The following PRR16 variants were observed in gnomAD, a reference collection of about 807,000 sequenced individuals.
The protein encoded by PRR16 is protein Largen.
Under a neutral mutation model 18.2 loss-of-function variants are expected in PRR16, and 6 were observed. The observed-to-expected ratio is 0.33, with a 90% CI of 0.18 to 0.65. The LOEUF is 0.65. PRR16 is among the 30% of genes least tolerant of loss of function. The pLI is 0.74. For missense variants in PRR16, 412 were observed against 376.6 expected (o/e 1.09, Z -0.78); for synonymous variants, 151 against 147.8 (o/e 1.02, Z -0.16).
At chr5:120,717,022 T>C in the PRR16 span, among the ~76,000 whole-genome samples, 2 of 152,188 alleles carry the variant, frequency 1.3e-5, no homozygotes, top group Admixed American at 6.6e-5. Flanking sequence ...ACGTGGCCCA[T>C]ATACTCAGTG....
chr5:120,632,811 G>A (rs1755102666), intron 1 of PRR16, among the ~76,000 whole-genome samples: 1 of 152,098 alleles, frequency 6.6e-6, no homozygotes, highest in Non-Finnish European at 1.5e-5. Flanking sequence ...CATATTTGAA[G>A]GAATAATTGA....
chr5:120,582,224 G>A (rs11241553), intron 1 of PRR16, among the ~76,000 whole-genome samples: 1 of 152,116 alleles, frequency 6.6e-6, no homozygotes, highest in Non-Finnish European at 1.5e-5. Context: ...AATACTGCAT[G>A]TTCTTACTTA....
the PRR16 span, among the ~76,000 whole-genome samples, chr5:120,780,103 A>G: frequency 6.6e-6 from 1 of 152,034 alleles, no homozygotes; most frequent in African/African-American, 2.4e-5. Context: ...CAGAAAGGAA[A>G]ACTGAGTCTC....
rs186973166 is a variant in PRR16 at position 120,586,947 on chromosome 5, C to T, written c.160-99007C>T. Among the ~76,000 whole-genome samples, 378 of 152,248 alleles carry T rather than the reference C, an allele frequency of 2.5e-3. 2 individuals carry two copies. The highest frequency in any genetic ancestry group is 8.7e-3 in the African/African-American group (363 of 41,522). On this transcript the variant is annotated intron_variant, in intron 1 of 1. Transcript: ENST00000407149. ...CAAACAGTTAGCCAAGTTGTGAATTCAATGGAAAGATTCTTGAAGAAAATT... is the reference window on the plus strand; with the variant it reads ...CAAACAGTTAGCCAAGTTGTGAATTTAATGGAAAGATTCTTGAAGAAAATT...
downstream of PRR16, among the ~76,000 whole-genome samples, chr5:120,691,686 A>G (rs1239595792): frequency 6.6e-6 from 1 of 152,150 alleles, no homozygotes; most frequent in Admixed American, 6.5e-5. Context: ...AAGCATTTCT[A>G]TACTTTTGTT....
At chr5:120,474,193 G>T (rs1749361896) in intron 1 of PRR16, among the ~76,000 whole-genome samples, 1 of 152,130 alleles carries the variant, frequency 6.6e-6, no homozygotes, top group African/African-American at 2.4e-5. Flanking sequence ...GCAGGGAGGT[G>T]ACTAAATCTG....
the PRR16 span, among the ~76,000 whole-genome samples, chr5:120,773,638 GT>G: frequency 5.3e-5 from 8 of 151,524 alleles, no homozygotes; most frequent in Non-Finnish European, 5.9e-5. Flanking sequence ...TTCTATTTTT[GT>G]TTTTTTTGAA....
At chr5:120,764,198 T>C in the PRR16 span, among the ~76,000 whole-genome samples, 1 of 152,156 alleles carries the variant, frequency 6.6e-6, no homozygotes, top group African/African-American at 2.4e-5. Flanking sequence ...TGTGGGTGTA[T>C]CATACATGGC....
chr5:120,711,208 A>G, the PRR16 span, among the ~76,000 whole-genome samples: 1 of 152,176 alleles, frequency 6.6e-6, no homozygotes, highest in African/African-American at 2.4e-5. Context: ...CCCCTTTGCC[A>G]TATAACAGCA....
At chr5:120,695,468 C>A in the PRR16 span, among the ~76,000 whole-genome samples, 4 of 152,096 alleles carry the variant, frequency 2.6e-5, no homozygotes, top group Non-Finnish European at 5.9e-5. Context: ...TTTGTAAAGT[C>A]ATTCCCAATG....
chr5:120,779,184 T>C, the PRR16 span, among the ~76,000 whole-genome samples: 1 of 152,314 alleles, frequency 6.6e-6, no homozygotes, highest in South Asian at 2.1e-4. Flanking sequence ...CAGCCATTCA[T>C]TTCACAGCGC....
chr5:120,504,715 G>A (rs1750582509), intron 1 of PRR16, among the ~76,000 whole-genome samples: 2 of 152,260 alleles, frequency 1.3e-5, no homozygotes, highest in South Asian at 4.1e-4. Context: ...AGCCAAGCAG[G>A]TCCCTCAGTT....
chr5:120,775,685 C>CAATG, the PRR16 span, among the ~76,000 whole-genome samples: 1 of 148,248 alleles, frequency 6.7e-6, no homozygotes, highest in Non-Finnish European at 1.5e-5. Context: ...GGCTGGAGTG[C>CAATG]AATGGCACAT....
At chr5:120,700,539 A>C in the PRR16 span, among the ~76,000 whole-genome samples, 1 of 152,080 alleles carries the variant, frequency 6.6e-6, no homozygotes, top group Admixed American at 6.6e-5. Context: ...GGAAGCAGAT[A>C]ATTTAGTTAA....
chr5:120,758,378 A>C, the PRR16 span, among the ~76,000 whole-genome samples: 3 of 151,378 alleles, frequency 2.0e-5, no homozygotes, highest in Admixed American at 1.3e-4. Flanking sequence ...AGATGTTATC[A>C]GCTTTTATAT....
the PRR16 span, among the ~76,000 whole-genome samples, chr5:120,719,653 T>C: frequency 1.3e-5 from 2 of 152,078 alleles, no homozygotes; most frequent in Non-Finnish European, 2.9e-5. Flanking sequence ...ATATGTCCAA[T>C]TCTAGGTAAA....
the PRR16 span, among the ~76,000 whole-genome samples, chr5:120,725,163 G>C: frequency 6.6e-6 from 1 of 152,044 alleles, no homozygotes; most frequent in Non-Finnish European, 1.5e-5. Flanking sequence ...CTTTTGGCCA[G>C]TTATGAGGCT....
rs114569917 is a variant in PRR16 at position 120,680,241 on chromosome 5, A to G, written c.160-5713A>G. Among the ~76,000 whole-genome samples, 569 of 152,216 alleles carry G rather than the reference A, an allele frequency of 3.7e-3. 1 individual carries two copies. The highest frequency in any genetic ancestry group is 0.013 in the African/African-American group (547 of 41,560). ...CATTCGTTCCTGTCTCCTTCTCTGAATTTGATGTGTATTATTTATTTCCAG... is the reference window on the plus strand; with the variant it reads ...CATTCGTTCCTGTCTCCTTCTCTGAGTTTGATGTGTATTATTTATTTCCAG... On this transcript the variant is annotated intron_variant, in intron 1 of 1. Coordinates refer to ENST00000407149, the MANE Select transcript of PRR16 (RefSeq NM_001300783.2).
chr5:120,762,130 T>C, the PRR16 span, among the ~76,000 whole-genome samples: 3 of 152,200 alleles, frequency 2.0e-5, no homozygotes, highest in Non-Finnish European at 2.9e-5. Flanking sequence ...ACAGTTAGGC[T>C]GATTGCATGT....
Sources: gnomAD v4.1 joint callset for allele counts (sites outside exome capture counted in the v4.1 genomes callset) on GRCh38, gnomAD v4.1.1 for gene constraint, MANE v1.5 for transcripts, NCBI Gene and HGNC (gene_info 2026-07-23, HGNC 2026-07-21) for gene names.